KLRG1: variants seen among roughly 807,000 people sequenced by gnomAD.
KLRG1 encodes killer cell lectin-like receptor subfamily G member 1.
In KLRG1, 16 loss-of-function variants were observed where a neutral mutation model predicts 21.8. The ratio of observed to expected loss-of-function variants is 0.73; its 90% CI spans 0.50 to 1.11. The LOEUF (loss-of-function observed/expected upper bound fraction) is 1.11, where lower values mean the gene tolerates loss of function less well. Among genes scored for constraint, KLRG1 ranks in the 50% most tolerant of loss-of-function variants. The probability of loss-of-function intolerance (pLI) is 0.00; values close to 1 mark genes in which losing one functional copy is unlikely to be tolerated. For missense variants in KLRG1, 173 were observed against 218.3 expected (o/e 0.79, Z 1.31); for synonymous variants, 69 against 75.9 (o/e 0.91, Z 0.47).
chr12:9,158,687 G>C, the KLRG1 span: 3 of 1,013,060 alleles, frequency 3.0e-6, no homozygotes, highest in Non-Finnish European at 2.7e-6. Context: ...AAGTCAATCA[G>C]CTGTTACTGA....
At position 8,989,587 on chromosome 12, in the gene KLRG1, C is replaced by T. The variant is rs746146488; in HGVS notation, c.-49C>T. 1 of 1,219,608 alleles carries T rather than the reference C, an allele frequency of 8.2e-7. No homozygotes were observed. The highest frequency in any genetic ancestry group is 1.2e-6 in the Non-Finnish European group (1 of 829,514). 75.5% of individuals were successfully genotyped at this position (1,219,608 alleles called of 1,614,324 possible). A position where few individuals can be genotyped will look rare whatever the true frequency, so the allele number is the denominator to read the frequency against. On this transcript the variant is annotated 5_prime_UTR_variant, in exon 1 of 5. Coordinates refer to ENST00000356986, the MANE Select transcript of KLRG1 (RefSeq NM_005810.4). ...CCTCACTGATACATATCCCTTCACA[C>T]TTCTATAATTTAACTCTCTCAACTG...
At chr12:9,206,206 C>G in the KLRG1 span, among the ~76,000 whole-genome samples, 1 of 151,660 alleles carries the variant, frequency 6.6e-6, no homozygotes, top group Non-Finnish European at 1.5e-5. Context: ...ACATCCCCAT[C>G]AAAAAATTTT....
At chr12:9,192,168 G>T in the KLRG1 span, 3 of 1,599,378 alleles carry the variant, frequency 1.9e-6, no homozygotes, top group East Asian at 4.5e-5. Context: ...GGGGAGCAAG[G>T]AGAGATGAAT....
At chr12:8,958,555 C>A (rs1436747139) in intron 1 of KLRG1, among the ~76,000 whole-genome samples, 1 of 152,158 alleles carries the variant, frequency 6.6e-6, no homozygotes, top group East Asian at 1.9e-4. Context: ...CTGTCAATTT[C>A]TGTTAAAAAA....
the KLRG1 span, chr12:9,113,593 G>T: frequency 6.6e-7 from 1 of 1,525,402 alleles, no homozygotes; most frequent in Non-Finnish European, 9.0e-7. Context: ...GAGAGGCATT[G>T]CTATCAACAG....
At chr12:9,120,336 G>A in the KLRG1 span, among the ~76,000 whole-genome samples, 2 of 151,924 alleles carry the variant, frequency 1.3e-5, no homozygotes, top group Admixed American at 1.3e-4. Context: ...AGAAAGCTGA[G>A]GTAAAGGGGT....
intron 1 of KLRG1, among the ~76,000 whole-genome samples, chr12:8,955,354 C>A (rs905851727): frequency 6.8e-6 from 1 of 146,288 alleles, no homozygotes; most frequent in Non-Finnish European, 1.5e-5. Context: ...TCTCCTAGTC[C>A]TAGAGGCAAC....
the KLRG1 span, chr12:9,091,125 T>A: frequency 6.7e-7 from 1 of 1,497,908 alleles, no homozygotes; most frequent in Non-Finnish European, 9.2e-7. Context: ...TACAAGAGTT[T>A]GCAGTATTCC....
chr12:9,001,319 A>G (rs1947299871), intron 3 of KLRG1, among the ~76,000 whole-genome samples: 1 of 152,200 alleles, frequency 6.6e-6, no homozygotes, highest in South Asian at 2.1e-4. Flanking sequence ...CATATTAATG[A>G]TATTATTTTA....
intron 3 of KLRG1, among the ~76,000 whole-genome samples, chr12:9,005,191 C>A (rs1404556702): frequency 2.0e-5 from 3 of 151,606 alleles, no homozygotes; most frequent in Non-Finnish European, 4.4e-5. Flanking sequence ...ACATCACACA[C>A]CGGGCCTGTC....
At chr12:9,104,610 A>G in the KLRG1 span, among the ~76,000 whole-genome samples, 1 of 152,176 alleles carries the variant, frequency 6.6e-6, no homozygotes, top group African/African-American at 2.4e-5. Context: ...TACATAACAT[A>G]CACTAATTTA....
At chr12:9,167,610 G>A in the KLRG1 span, 1 of 152,236 alleles carries the variant, frequency 6.6e-6, no homozygotes, top group East Asian at 1.9e-4. Context: ...TGTTGTTGAA[G>A]TTCTTATCAA....
the KLRG1 span, chr12:9,152,226 T>A: frequency 6.3e-7 from 1 of 1,599,374 alleles, no homozygotes; most frequent in South Asian, 1.1e-5. Context: ...CTACCATTTT[T>A]ACTGTTGGTT....
chr12:9,174,275 C>T, the KLRG1 span, among the ~76,000 whole-genome samples: 1 of 152,182 alleles, frequency 6.6e-6, no homozygotes, highest in African/African-American at 2.4e-5. Flanking sequence ...TAAAATTCAA[C>T]ATCCCTTTAT....
the KLRG1 span, among the ~76,000 whole-genome samples, chr12:9,166,411 C>G: frequency 5.9e-5 from 9 of 152,222 alleles, no homozygotes; most frequent in East Asian, 1.5e-3. Context: ...TCTATGTATC[C>G]TAGACATAGC....
At chr12:8,955,981 A>G (rs1946285730) in intron 1 of KLRG1, among the ~76,000 whole-genome samples, 1 of 152,068 alleles carries the variant, frequency 6.6e-6, no homozygotes, top group African/African-American at 2.4e-5. Context: ...ACACTCCCCC[A>G]TTCTGAGCCC....
the KLRG1 span, among the ~76,000 whole-genome samples, chr12:9,108,767 A>G: frequency 1.7e-4 from 17 of 100,028 alleles, no homozygotes; most frequent in Admixed American, 2.7e-4. Context: ...AATCACGTTC[A>G]GTCTCTTCGT....
At chr12:9,159,787 C>A in the KLRG1 span, 1 of 693,288 alleles carries the variant, frequency 1.4e-6, no homozygotes, top group Non-Finnish European at 2.3e-6. Flanking sequence ...ACTTATCAGC[C>A]TTCATAGCTA....
At chr12:9,165,908 C>T in the KLRG1 span, 552 of 947,266 alleles carry the variant, frequency 5.8e-4, 4 homozygotes, top group South Asian at 8.6e-3. Context: ...TATGCAATTG[C>T]GCATTTTACT....
Sources: allele counts gnomAD v4.1 joint callset (sites outside exome capture counted in the v4.1 genomes callset), GRCh38; gene constraint gnomAD v4.1.1; transcripts MANE v1.5; gene names NCBI Gene and HGNC (gene_info 2026-07-23, HGNC 2026-07-21).